Variants in NLGN1 observed in about 807,000 individuals in gnomAD.
NLGN1 encodes the protein neuroligin 1.
NLGN1 carries 12 observed loss-of-function variants against 65.5 expected under a neutral mutation model. That is an observed-to-expected ratio of 0.18 (90% CI 0.12 to 0.30). The LOEUF is 0.30. Among genes scored for constraint, NLGN1 ranks in the 10% least tolerant of loss-of-function variants. The pLI is 1.00. For synonymous variants in NLGN1, 350 were observed against 359.5 expected (o/e 0.97, Z 0.30); for missense variants, 750 against 1,007.1 (o/e 0.74, Z 3.46).
intron 4 of NLGN1, among the ~76,000 whole-genome samples, chr3:174,261,878 G>C (rs1002402872): frequency 9.5e-5 from 14 of 147,638 alleles, no homozygotes; most frequent in Non-Finnish European, 1.8e-4. Flanking sequence ...AATTTATTGA[G>C]AGTTTTTAGC....
chr3:173,886,308 A>AT, intron 4 of NLGN1, among the ~76,000 whole-genome samples: 3 of 152,160 alleles, frequency 2.0e-5, no homozygotes, highest in African/African-American at 7.2e-5. Flanking sequence ...GACTGTGAGT[A>AT]TTTTTTTCTC....
chr3:174,285,162 G>A (rs1432817880), exon 7 of NLGN1: 2 of 151,330 alleles, frequency 1.3e-5, no homozygotes, highest in Non-Finnish European at 3.0e-5. Flanking sequence ...CTTTTCTTTG[G>A]CGAGTTTCAC....
At chr3:173,926,540 A>G (rs1042187083) in intron 4 of NLGN1, among the ~76,000 whole-genome samples, 1 of 152,164 alleles carries the variant, frequency 6.6e-6, no homozygotes, top group African/African-American at 2.4e-5. Flanking sequence ...GTATACATCC[A>G]TGTATTTATC....
At chr3:173,690,793 A>G (rs1341692452) in intron 3 of NLGN1, among the ~76,000 whole-genome samples, 2 of 152,212 alleles carry the variant, frequency 1.3e-5, no homozygotes, top group East Asian at 3.9e-4. Context: ...TGCAAGATAC[A>G]TAGATATGTG....
chr3:173,493,445 CT>C lies in NLGN1; in HGVS notation c.-321+58370del, dbSNP rs377729314. Among the ~76,000 whole-genome samples, 115 of 152,018 alleles carry C rather than the reference CT, an allele frequency of 7.6e-4. 1 individual carries two copies. The South Asian group carries it at 0.023, about 30-fold the overall frequency. ...ATAAAATTGGGGATTAGCAACTCAA[CT>C]TTAGTAAGCACTCTTGTCTATTGTA... On this transcript the variant is annotated intron_variant, in intron 2 of 6. Coordinates refer to ENST00000457714, the Ensembl canonical transcript of NLGN1.
At chr3:173,756,431 TA>T (rs981817119) in intron 3 of NLGN1, among the ~76,000 whole-genome samples, 4 of 151,840 alleles carry the variant, frequency 2.6e-5, no homozygotes, top group Admixed American at 1.3e-4. Context: ...TATGGAAGTA[TA>T]AAAAAATTAA....
chr3:173,779,818 G>T (rs1450383578), intron 3 of NLGN1, among the ~76,000 whole-genome samples: 1 of 152,096 alleles, frequency 6.6e-6, no homozygotes. Flanking sequence ...AGGCCTTAAA[G>T]ATGAGTGGCA....
At chr3:173,613,107 C>A (rs1334010185) in intron 3 of NLGN1, among the ~76,000 whole-genome samples, 2 of 152,086 alleles carry the variant, frequency 1.3e-5, no homozygotes, top group African/African-American at 4.8e-5. Flanking sequence ...TGGGGAGACA[C>A]AATTCAACCT....
intron 4 of NLGN1, among the ~76,000 whole-genome samples, chr3:174,220,876 G>A (rs2152805203): frequency 6.6e-6 from 1 of 152,246 alleles, no homozygotes; most frequent in East Asian, 1.9e-4. Context: ...TCTGCAAAGA[G>A]AGCCACAAAA....
chr3:174,181,367 G>A (rs976745041), intron 4 of NLGN1, among the ~76,000 whole-genome samples: 1 of 152,010 alleles, frequency 6.6e-6, no homozygotes, highest in African/African-American at 2.4e-5. Flanking sequence ...TCTGTCTTCT[G>A]AGAAGCATTG....
At chr3:173,539,632 AC>A (rs1661548729) in intron 2 of NLGN1, among the ~76,000 whole-genome samples, 1 of 43,038 alleles carries the variant, frequency 2.3e-5, no homozygotes, top group East Asian at 2.1e-3. Flanking sequence ...ATTTATATAT[AC>A]ACATATATAC....
chr3:173,889,989 GT>G lies in NLGN1; in HGVS notation c.646+82158del, dbSNP rs1560569298. Among the ~76,000 whole-genome samples the G allele has an allele frequency of 3.5e-3, 456 of 131,930 alleles. 3 individuals carry two copies. Among genetic ancestry groups the G allele is most frequent in the African/African-American group, 0.015 (442 of 29,726 alleles). The allele number at this position is 131,930 out of a possible 152,430, so 86.6% of individuals were successfully genotyped here. ...CCTTCTCTTTTGTGTATGTATGAGG[GT>G]GTGTGTGTGTGTGTGTGTGTGTTTA... On this transcript the variant is annotated intron_variant, in intron 4 of 6. Coordinates refer to ENST00000457714, the Ensembl canonical transcript of NLGN1.
At chr3:174,196,437 T>G (rs577567894) in intron 4 of NLGN1, among the ~76,000 whole-genome samples, 1 of 152,338 alleles carries the variant, frequency 6.6e-6, no homozygotes, top group Non-Finnish European at 1.5e-5. Context: ...TTAAAATCTA[T>G]TTTCAAAAGT....
At chr3:174,250,979 T>C (rs1744673377) in intron 4 of NLGN1, among the ~76,000 whole-genome samples, 1 of 152,156 alleles carries the variant, frequency 6.6e-6, no homozygotes, top group Non-Finnish European at 1.5e-5. Context: ...AGGTTTCCTC[T>C]GATTGTCAAA....
chr3:173,881,945 A>G (rs1361574240), intron 4 of NLGN1, among the ~76,000 whole-genome samples: 2 of 152,184 alleles, frequency 1.3e-5, no homozygotes, highest in Non-Finnish European at 2.9e-5. Flanking sequence ...ACTCTCTATG[A>G]CATCTATAAC....
At chr3:173,853,645 T>G (rs936563505) in intron 4 of NLGN1, among the ~76,000 whole-genome samples, 3 of 152,122 alleles carry the variant, frequency 2.0e-5, no homozygotes, top group Non-Finnish European at 4.4e-5. Flanking sequence ...GCTTACTAAG[T>G]GCATTTTTCT....
chr3:173,812,972 C>T (rs989567928), intron 4 of NLGN1, among the ~76,000 whole-genome samples: 4 of 150,446 alleles, frequency 2.7e-5, no homozygotes, highest in Admixed American at 6.6e-5. Flanking sequence ...AATTGATATT[C>T]TACTTTATAT....
intron 2 of NLGN1, among the ~76,000 whole-genome samples, chr3:173,489,143 G>C (rs1728659524): frequency 6.6e-6 from 1 of 150,816 alleles, no homozygotes; most frequent in Non-Finnish European, 1.5e-5. Flanking sequence ...GTGCAGGTTT[G>C]TTACATATGT....
At chr3:174,265,558 C>T (rs1747915414) in intron 4 of NLGN1, among the ~76,000 whole-genome samples, 1 of 151,860 alleles carries the variant, frequency 6.6e-6, no homozygotes, top group Admixed American at 6.6e-5. Context: ...TGCGCGCACC[C>T]ACTGACCTGC....
Sources: gnomAD v4.1 joint callset for allele counts (sites outside exome capture counted in the v4.1 genomes callset) on GRCh38, gnomAD v4.1.1 for gene constraint, MANE v1.5 for transcripts, NCBI Gene and HGNC (gene_info 2026-07-23, HGNC 2026-07-21) for gene names.